RPS6KB1: variants seen among roughly 807,000 people sequenced by gnomAD.
RPS6KB1 encodes ribosomal protein S6 kinase beta-1.
In RPS6KB1, 12 loss-of-function variants were observed where a neutral mutation model predicts 70.2. That is an observed-to-expected ratio of 0.17 (90% confidence interval 0.11 to 0.28). The LOEUF (loss-of-function observed/expected upper bound fraction) is 0.28. RPS6KB1 is among the 10% of genes least tolerant of loss of function. The probability of loss-of-function intolerance (pLI) is 1.00; values close to 1 mark genes in which losing one functional copy is unlikely to be tolerated. For missense variants in RPS6KB1, 270 were observed against 646.6 expected, an observed-to-expected ratio of 0.42 and a Z score of 6.32; for synonymous variants, 175 against 211.2, an observed-to-expected ratio of 0.83 and a Z score of 1.49.
intron 4 of RPS6KB1, among the ~76,000 whole-genome samples, chr17:59,924,442 C>A (rs1384211839): frequency 1.3e-5 from 2 of 152,070 alleles, no homozygotes; most frequent in Non-Finnish European, 2.9e-5. Context: ...AGTTGTACTT[C>A]CTACCCCTCA....
At chr17:59,938,044 C>T (rs2044339973) in intron 12 of RPS6KB1, among the ~76,000 whole-genome samples, 1 of 151,786 alleles carries the variant, frequency 6.6e-6, no homozygotes, top group Admixed American at 6.6e-5. Flanking sequence ...CTGTCATATA[C>T]CTACTGCCCA....
At chr17:59,917,044 A>G (rs1232780429) in intron 4 of RPS6KB1, among the ~76,000 whole-genome samples, 1 of 152,116 alleles carries the variant, frequency 6.6e-6, no homozygotes, top group Admixed American at 6.6e-5. Flanking sequence ...TTCTGTGGAA[A>G]TATTTAAGAT....
Position 59,918,095 on chromosome 17 carries a change from G to A in RPS6KB1, c.381+3392G>A, listed in dbSNP as rs540426451. On this transcript the variant is annotated intron_variant, in intron 4 of 14. Transcript: ENST00000225577. Reference sequence around the variant, plus strand: ...ATTACAGGCATGTGCCACCATGCCCGGCTAATTTTGTATTTTTAGAAGAGA... The same window carrying A: ...ATTACAGGCATGTGCCACCATGCCCAGCTAATTTTGTATTTTTAGAAGAGA... Among the ~76,000 whole-genome samples, 31 of 151,986 alleles carry A rather than the reference G, an allele frequency of 2.0e-4. No homozygotes were observed. In the South Asian group the frequency reaches 2.9e-3, roughly 14 times the overall value.
intron 4 of RPS6KB1, among the ~76,000 whole-genome samples, chr17:59,924,545 AT>A (rs1334217171): frequency 6.6e-6 from 1 of 151,944 alleles, no homozygotes; most frequent in Non-Finnish European, 1.5e-5. Context: ...GTAATATTTG[AT>A]TTAGGGAAGA....
At chr17:59,922,504 G>A (rs952620046) in intron 4 of RPS6KB1, among the ~76,000 whole-genome samples, 4 of 122,060 alleles carry the variant, frequency 3.3e-5, no homozygotes, top group Admixed American at 1.6e-4. Flanking sequence ...TATTTTTTCT[G>A]TATTTTTTCT....
intron 2 of RPS6KB1, 60 bp from the exon 3 acceptor site, chr17:59,912,624 A>G: frequency 6.4e-7 from 1 of 1,559,828 alleles, no homozygotes; most frequent in Non-Finnish European, 8.8e-7. Context: ...TTTCTTGACT[A>G]TATGCTGAAA....
In RPS6KB1 at chr17:59,900,545, T is replaced by C. The variant is rs1568378829; in HGVS notation, c.141+7220T>C. 3.9e-5 allele frequency among the ~76,000 whole-genome samples: 6 copies of C among 152,104 alleles called. No individual in the cohort carries two copies. In the East Asian group the frequency reaches 9.8e-4, roughly 25 times the overall value. Reference sequence around the variant, plus strand: ...CAGGCCTGGCTAATTTTTGTATTTTTAGTAGAGGCGGGGTTTCTCCATGTT... The same window carrying C: ...CAGGCCTGGCTAATTTTTGTATTTTCAGTAGAGGCGGGGTTTCTCCATGTT... On this transcript the variant is annotated intron_variant, in intron 1 of 14. Coordinates refer to ENST00000225577, the MANE Select transcript of RPS6KB1 (RefSeq NM_003161.4).
At chr17:59,938,842 G>C (rs769146200) in intron 12 of RPS6KB1, among the ~76,000 whole-genome samples, 15 of 151,952 alleles carry the variant, frequency 9.9e-5, no homozygotes, top group Non-Finnish European at 1.9e-4. Flanking sequence ...GTCACAGGTT[G>C]GGGGAGGGAA....
At chr17:59,908,882 T>G (rs2042433626) in intron 1 of RPS6KB1, among the ~76,000 whole-genome samples, 1 of 141,274 alleles carries the variant, frequency 7.1e-6, no homozygotes. Context: ...CCTCCCAGAG[T>G]GCTGGGATTA....
chr17:59,929,813 T>C (rs1169096914), intron 5 of RPS6KB1, among the ~76,000 whole-genome samples: 3 of 152,206 alleles, frequency 2.0e-5, no homozygotes, highest in Non-Finnish European at 4.4e-5. Context: ...TTAATCAATA[T>C]ATATATTTTT....
At chr17:59,907,612 C>T (rs2042349074) in intron 1 of RPS6KB1, among the ~76,000 whole-genome samples, 2 of 151,438 alleles carry the variant, frequency 1.3e-5, no homozygotes, top group Non-Finnish European at 2.9e-5. Context: ...ATCACTGCCA[C>T]ATTGTAGCCA....
In RPS6KB1 at chr17:59,934,085, A is replaced by G. The variant is rs574685854; in HGVS notation, c.689-85A>G. The G allele has an allele frequency of 7.8e-5, 70 of 896,986 alleles. No individual in the cohort carries two copies. The African/African-American group carries it at 1.0e-3, about 13-fold the overall frequency. 55.6% of individuals were successfully genotyped at this position (896,986 alleles called of 1,614,324 possible). On this transcript the variant is annotated intron_variant, in intron 7 of 14. Transcript: ENST00000225577. The surrounding 1 kb of genome is among the most constrained non-coding windows in gnomAD (Gnocchi z 4.8). Reference sequence around the variant, plus strand: ...GAGGCAAGAAAAGTTAAATGGAAGGATAGATTAAAGTATTATGTGACATGT... The same window carrying G: ...GAGGCAAGAAAAGTTAAATGGAAGGGTAGATTAAAGTATTATGTGACATGT...
intron 3 of RPS6KB1, 63 bp from the exon 4 acceptor site, chr17:59,914,572 G>A (rs952122483): frequency 2.6e-6 from 3 of 1,165,320 alleles, no homozygotes; most frequent in Non-Finnish European, 3.9e-6. Flanking sequence ...TTATAACTAG[G>A]AATTAAGGGA....
At chr17:59,922,904 G>A (rs1285782857) in intron 4 of RPS6KB1, among the ~76,000 whole-genome samples, 1 of 149,024 alleles carries the variant, frequency 6.7e-6, no homozygotes, top group Non-Finnish European at 1.5e-5. Context: ...GTTCACTCTG[G>A]TGCCCAGGCT....
At chr17:59,899,888 G>C (rs1454136847) in intron 1 of RPS6KB1, among the ~76,000 whole-genome samples, 2 of 151,886 alleles carry the variant, frequency 1.3e-5, no homozygotes, top group Non-Finnish European at 2.9e-5. Context: ...TTTTTGGCTG[G>C]GTATGATAGC....
chr17:59,927,268 A>G (rs951857367), intron 5 of RPS6KB1, among the ~76,000 whole-genome samples: 4 of 150,904 alleles, frequency 2.7e-5, no homozygotes, highest in Non-Finnish European at 5.9e-5. Context: ...ATTTTTAGTA[A>G]AGATGGGGTT....
intron 12 of RPS6KB1, among the ~76,000 whole-genome samples, chr17:59,940,385 C>G (rs1478762772): frequency 6.9e-6 from 1 of 145,024 alleles, no homozygotes; most frequent in African/African-American, 2.5e-5. Context: ...CTCCCGGGTT[C>G]AAGCAATTCT....
chr17:59,948,374 T>A lies in RPS6KB1; in HGVS notation c.*1586T>A, dbSNP rs2045044520. The A allele has an allele frequency of 6.6e-6, 1 of 152,636 alleles. No homozygotes were observed. The highest frequency in any genetic ancestry group is 2.4e-5 in the African/African-American group (1 of 41,456). 9.5% of individuals were successfully genotyped at this position (152,636 alleles called of 1,614,324 possible). On this transcript the variant is annotated 3_prime_UTR_variant, in exon 15 of 15. Transcript: ENST00000225577. ...TTCAGTCTGAGTGTGCAAAGTCAATTTGTAATATTTTGCAACCCTAGGATT... is the reference window on the plus strand; with the variant it reads ...TTCAGTCTGAGTGTGCAAAGTCAATATGTAATATTTTGCAACCCTAGGATT...
At position 59,946,294 on chromosome 17, in the gene RPS6KB1, C is replaced by T. The variant is rs967369407; in HGVS notation, c.1341-257C>T. 1.6e-4 allele frequency among the ~76,000 whole-genome samples: 25 copies of T among 151,844 alleles called. No individual in the cohort carries two copies. Among genetic ancestry groups the T allele is most frequent in the Non-Finnish European group, 2.8e-4 (19 of 67,992 alleles). On this transcript the variant is annotated intron_variant, in intron 14 of 14. Coordinates refer to ENST00000225577, the MANE Select transcript of RPS6KB1 (RefSeq NM_003161.4). The surrounding 1 kb of genome is among the most constrained non-coding windows in gnomAD (Gnocchi z 4.2). ...GGAGAGTAAAATGATATATATAATA[C>T]GCATTTAAATGTATATATATCTCAT...
Sources: allele counts gnomAD v4.1 joint callset (sites outside exome capture counted in the v4.1 genomes callset), GRCh38; gene constraint gnomAD v4.1.1; non-coding constraint Gnocchi (gnomAD v3.1); transcripts MANE v1.5; gene names NCBI Gene and HGNC (gene_info 2026-07-23, HGNC 2026-07-21).